Variants in DOC2B observed in about 807,000 individuals in gnomAD.
DOC2B encodes the protein double C2-like domain-containing protein beta.
Under a neutral mutation model 28.9 loss-of-function variants are expected in DOC2B, and 21 were observed. That is an observed-to-expected ratio of 0.73 (90% CI 0.52 to 1.05). The LOEUF is 1.05. DOC2B is among the 50% of genes least tolerant of loss of function. The pLI is 0.00. For synonymous variants in DOC2B, 194 were observed against 178.1 expected, an observed-to-expected ratio of 1.09 and a Z score of -0.71; for missense variants, 384 against 421.1, an observed-to-expected ratio of 0.91 and a Z score of 0.77.
intron 5 of DOC2B, among the ~76,000 whole-genome samples, chr17:157,726 G>A (rs926915378): frequency 2.6e-5 from 4 of 152,194 alleles, no homozygotes; most frequent in Non-Finnish European, 4.4e-5. Context: ...TTACAGGTAT[G>A]AGCCACCGCA....
chr17:152,277 G>A (rs748260880), intron 6 of DOC2B, among the ~76,000 whole-genome samples: 8 of 152,170 alleles, frequency 5.3e-5, no homozygotes, highest in Non-Finnish European at 1.2e-4. Flanking sequence ...CAACAGGAGC[G>A]ACCGCACAGG....
intron 2 of DOC2B, among the ~76,000 whole-genome samples, chr17:166,673 C>T (rs1185499552): frequency 6.6e-6 from 1 of 151,932 alleles, no homozygotes; most frequent in Non-Finnish European, 1.5e-5. Flanking sequence ...GTGAATACGT[C>T]TCACGAGATC....
At chr17:152,259 G>A (rs1037255704) in intron 6 of DOC2B, among the ~76,000 whole-genome samples, 2 of 152,222 alleles carry the variant, frequency 1.3e-5, no homozygotes, top group African/African-American at 2.4e-5. Flanking sequence ...GGCATGAAAT[G>A]GAGATAACAA....
In DOC2B at chr17:144,628, C is replaced by G. The variant is rs2040006862; in HGVS notation, c.*2813G>C. ...CTGAGATCCTAGGGAAGGAAGGATC[C>G]AAACTTCCTGGGGAGTTCCTGCCCG... is the stretch of plus-strand genomic sequence containing the variant. On this transcript the variant is annotated 3_prime_UTR_variant, in exon 9 of 9. Coordinates refer to ENST00000613549, the MANE Select transcript of DOC2B (RefSeq NM_003585.5). 2 of 152,234 alleles carry G rather than the reference C, an allele frequency of 1.3e-5. No homozygotes were observed. Among genetic ancestry groups the G allele is most frequent in the African/African-American group, 4.8e-5 (2 of 41,448 alleles). The allele number at this position is 152,234 out of a possible 1,614,324, so 9.4% of individuals were successfully genotyped here. A position where few individuals can be genotyped will look rare whatever the true frequency, so the allele number is the denominator to read the frequency against.
Position 145,575 on chromosome 17 carries a change from T to C in DOC2B, c.*1866A>G, listed in dbSNP as rs2040012823. On this transcript the variant is annotated 3_prime_UTR_variant, in exon 9 of 9. Coordinates refer to ENST00000613549, the MANE Select transcript of DOC2B (RefSeq NM_003585.5). ...GCCAGGGACTGTGTGGGGGCTGGGG[T>C]CCTGTTTTCCCCGCAACCTGGGAAA... 1 of 152,052 alleles carries C rather than the reference T, an allele frequency of 6.6e-6. No homozygotes were observed. Among genetic ancestry groups the C allele is most frequent in the Non-Finnish European group, 1.5e-5 (1 of 68,090 alleles). The allele number at this position is 152,052 out of a possible 1,614,324, so 9.4% of individuals were successfully genotyped here.
intron 6 of DOC2B, among the ~76,000 whole-genome samples, chr17:152,094 G>A (rs1304317858): frequency 2.6e-5 from 4 of 152,070 alleles, no homozygotes; most frequent in Non-Finnish European, 5.9e-5. Context: ...TCACGGAGCC[G>A]CCCTGTGCCG....
chr17:177,293 C>T (rs1242593725), intron 1 of DOC2B, among the ~76,000 whole-genome samples: 1 of 152,158 alleles, frequency 6.6e-6, no homozygotes, highest in African/African-American at 2.4e-5. Context: ...TTGAAAGGTT[C>T]TCCATCAACT....
intron 1 of DOC2B, among the ~76,000 whole-genome samples, chr17:175,804 G>GCCCCTGCACTGGCTCTACAGA (rs1291326328): frequency 6.6e-6 from 1 of 152,230 alleles, no homozygotes; most frequent in Non-Finnish European, 1.5e-5. Context: ...GAGGGGAGAA[G>GCCCCTGCACTGGCTCTACAGA]CCCCTGCACT....
chr17:160,348 C>A (rs1555523065), intron 5 of DOC2B, among the ~76,000 whole-genome samples: 1 of 152,160 alleles, frequency 6.6e-6, no homozygotes, highest in African/African-American at 2.4e-5. Context: ...ACACAAATGT[C>A]TGAGGGGGAG....
Position 143,222 on chromosome 17 carries a change from G to A in DOC2B, c.*4219C>T, listed in dbSNP as rs1350979593. The A allele has an allele frequency of 2.0e-5, 3 of 152,126 alleles. No homozygotes were observed. Among genetic ancestry groups the A allele is most frequent in the African/African-American group, 7.2e-5 (3 of 41,388 alleles). The allele number at this position is 152,126 out of a possible 1,614,324, so 9.4% of individuals were successfully genotyped here. On this transcript the variant is annotated 3_prime_UTR_variant, in exon 9 of 9. Transcript: ENST00000613549. ...GCCTTAGTTTCCCCATCTGTAACTT[G>A]AGGGCCTACCTCAAATGGGTCCCTG...
At chr17:179,820 G>T (rs146394593) in intron 1 of DOC2B, among the ~76,000 whole-genome samples, 1 of 152,292 alleles carries the variant, frequency 6.6e-6, no homozygotes, top group Non-Finnish European at 1.5e-5. Flanking sequence ...CTGGCCCGAG[G>T]GCCGTGGTCC....
Position 161,539 on chromosome 17 carries a change from A to C in DOC2B, c.641T>G (p.Ile214Ser). The change falls in exon 5 of 9, where the codon ATC becomes AGC. Residue 214 changes from isoleucine (I) to serine (S), a missense_variant and splice_region_variant. Ile to Ser is a moderately radical substitution (Grantham distance 142). Coordinates refer to ENST00000613549, the MANE Select transcript of DOC2B (RefSeq NM_003585.5). Reference sequence around the variant, plus strand: ...GAATTTGTCCTCGTCACACACAGAGATCCTAGAGGGGGCGGTGGTGAGGGG... The same window carrying C: ...GAATTTGTCCTCGTCACACACAGAGCTCCTAGAGGGGGCGGTGGTGAGGGG... ...DEDMIRKTLR[I>S]SVCDEDKFRH... 1 of 1,551,632 alleles carries C rather than the reference A, an allele frequency of 6.4e-7. No individual in the cohort carries two copies. The highest frequency in any genetic ancestry group is 8.7e-7 in the Non-Finnish European group (1 of 1,146,972).
At chr17:148,545 G>A (rs1288169134) in intron 7 of DOC2B, among the ~76,000 whole-genome samples, 5 of 152,042 alleles carry the variant, frequency 3.3e-5, no homozygotes, top group African/African-American at 1.2e-4. Context: ...ACGCCCCACA[G>A]TCCTTGTCAT....
At chr17:164,811 T>C (rs2040243930) in intron 2 of DOC2B, among the ~76,000 whole-genome samples, 2 of 152,234 alleles carry the variant, frequency 1.3e-5, no homozygotes, top group Admixed American at 1.3e-4. Context: ...AGAGAGGGGC[T>C]TTGCTGACCT....
Position 181,387 on chromosome 17 carries a change from C to T in DOC2B, c.93G>A (p.Lys31=). 9 of 1,161,504 alleles carry T rather than the reference C, an allele frequency of 7.7e-6. No homozygotes were observed. The highest frequency in any genetic ancestry group is 2.8e-5 in the South Asian group (1 of 36,092). 71.9% of individuals were successfully genotyped at this position (1,161,504 alleles called of 1,614,324 possible). A position where few individuals can be genotyped will look rare whatever the true frequency, so the allele number is the denominator to read the frequency against. ...AGCGGGGGAAGTAGTCGGAGATCTG[C>T]TTGATGGGACGGATGGGGCCGGGGC... is the stretch of plus-strand genomic sequence containing the variant. ...DVCPGPIRPI[K]QISDYFPRFP... Residue 31 remains lysine, a synonymous_variant, in exon 1 of 9, where the codon AAG becomes AAA. Coordinates refer to ENST00000613549, the MANE Select transcript of DOC2B (RefSeq NM_003585.5). This position sits in a 1 kb window ranked among gnomAD's most constrained non-coding sequence, Gnocchi z 7.0.
intron 1 of DOC2B, among the ~76,000 whole-genome samples, chr17:177,002 C>G (rs576187015): frequency 1.3e-5 from 2 of 151,230 alleles, no homozygotes; most frequent in Non-Finnish European, 2.9e-5. Context: ...TTTCCTGACA[C>G]CCTTGGGAAT....
In DOC2B at chr17:166,748, T is replaced by G. The variant is rs556515063; in HGVS notation, c.454-2544A>C. ...CACGAGATCTCATGGTCTGACACTG[T>G]TCTTGAGGTAGTGAATACGTCTCAC... On this transcript the variant is annotated intron_variant, in intron 2 of 8. Coordinates refer to ENST00000613549, the MANE Select transcript of DOC2B (RefSeq NM_003585.5). Among the ~76,000 whole-genome samples the G allele has an allele frequency of 1.2e-4, 17 of 142,460 alleles. No homozygotes were observed. In the East Asian group the frequency reaches 3.4e-3, roughly 29 times the overall value. 93.5% of individuals were successfully genotyped at this position (142,460 alleles called of 152,430 possible).
chr17:149,022 C>A, intron 7 of DOC2B, 89 bp downstream of exon 7: 1 of 389,764 alleles, frequency 2.6e-6, no homozygotes, highest in Non-Finnish European at 4.5e-6. Flanking sequence ...CCCTCCCCAT[C>A]CCGCCATGAC....
At chr17:173,639 A>C (rs2040337040) in intron 1 of DOC2B, among the ~76,000 whole-genome samples, 1 of 152,202 alleles carries the variant, frequency 6.6e-6, no homozygotes, top group Non-Finnish European at 1.5e-5. Context: ...GCCGGGAGCC[A>C]TGGGGAGCCC....
Sources: gnomAD v4.1 joint callset for allele counts (sites outside exome capture counted in the v4.1 genomes callset) on GRCh38, gnomAD v4.1.1 for gene constraint, Gnocchi (gnomAD v3.1) non-coding constraint, MANE v1.5 for transcripts, NCBI Gene and HGNC (gene_info 2026-07-23, HGNC 2026-07-21) for gene names.